LURAP1L: variants seen among roughly 807,000 people sequenced by gnomAD.
LURAP1L encodes leucine rich adaptor protein 1 like, also known as leucine rich adaptor protein 1-like.
In LURAP1L, 12 loss-of-function variants were observed where a neutral mutation model predicts 13.8. That is an observed-to-expected ratio of 0.87 (90% CI 0.56 to 1.41). The LOEUF (loss-of-function observed/expected upper bound fraction) is 1.41, where lower values mean the gene tolerates loss of function less well. Ranked by LOEUF, LURAP1L falls within the 40% of genes most tolerant of loss-of-function variation. LURAP1L has a pLI of 0.00. For synonymous variants in LURAP1L, 139 were observed against 119.2 expected (o/e 1.17, Z -1.08); for missense variants, 375 against 292.9 (o/e 1.28, Z -2.04).
At chr9:12,798,221 G>A (rs976718214) in intron 1 of LURAP1L, among the ~76,000 whole-genome samples, 5 of 152,104 alleles carry the variant, frequency 3.3e-5, no homozygotes, top group Admixed American at 2.0e-4. Flanking sequence ...AAAGCTGGGC[G>A]TCTGGACATG....
chr9:12,793,118 T>A (rs111703172), intron 1 of LURAP1L, among the ~76,000 whole-genome samples: 1 of 152,050 alleles, frequency 6.6e-6, no homozygotes, highest in Non-Finnish European at 1.5e-5. Context: ...GTCAAACTTA[T>A]AATGATTTAG....
At chr9:12,809,155 C>T (rs934422077) in intron 1 of LURAP1L, among the ~76,000 whole-genome samples, 1 of 152,188 alleles carries the variant, frequency 6.6e-6, no homozygotes, top group African/African-American at 2.4e-5. Flanking sequence ...TAAGCCATCC[C>T]TGATGCATCT....
chr9:12,788,909 A>ATT (rs1267953888), intron 1 of LURAP1L, among the ~76,000 whole-genome samples: 2 of 150,396 alleles, frequency 1.3e-5, no homozygotes, highest in African/African-American at 4.9e-5. Flanking sequence ...ATATATATAT[A>ATT]TATTTTTAAT....
chr9:12,820,917 G>C (rs59559321), intron 1 of LURAP1L, among the ~76,000 whole-genome samples: 5 of 152,044 alleles, frequency 3.3e-5, no homozygotes, highest in Non-Finnish European at 7.4e-5. Flanking sequence ...TTTTATGATG[G>C]TGCTTGGCAC....
At position 12,775,606 on chromosome 9, in the gene LURAP1L, TAG is replaced by T; in HGVS notation, c.-106_-105del. ...GACGGTACACCGGAGCGGCGGAGGA[TAG>T]AGACCCTGGCCCCCGGAGAGGTCTG... On this transcript the variant is annotated 5_prime_UTR_variant, in exon 1 of 2. Coordinates refer to ENST00000319264, the MANE Select transcript of LURAP1L (RefSeq NM_203403.2). 6.9e-7 allele frequency: 1 copy of T among 1,454,000 alleles called. No homozygotes were observed. The highest frequency in any genetic ancestry group is 9.1e-7 in the Non-Finnish European group (1 of 1,103,132). 90.1% of individuals were successfully genotyped at this position (1,454,000 alleles called of 1,614,324 possible). A position where few individuals can be genotyped will look rare whatever the true frequency, so the allele number is the denominator to read the frequency against.
intron 1 of LURAP1L, among the ~76,000 whole-genome samples, chr9:12,813,607 T>C (rs1347933015): frequency 6.6e-6 from 1 of 152,172 alleles, no homozygotes; most frequent in Non-Finnish European, 1.5e-5. Context: ...CAGATTGAAA[T>C]TGAAATTTGT....
At chr9:12,806,722 T>C (rs1819661841) in intron 1 of LURAP1L, among the ~76,000 whole-genome samples, 1 of 152,094 alleles carries the variant, frequency 6.6e-6, no homozygotes, top group African/African-American at 2.4e-5. Context: ...TTTACTTTTT[T>C]ATTTTTTCTA....
At chr9:12,786,400 C>A (rs1420091678) in intron 1 of LURAP1L, among the ~76,000 whole-genome samples, 2 of 151,124 alleles carry the variant, frequency 1.3e-5, no homozygotes, top group Non-Finnish European at 3.0e-5. Flanking sequence ...ACATTGCATT[C>A]TTCAATATGA....
chr9:12,803,277 C>G (rs754806871), intron 1 of LURAP1L, among the ~76,000 whole-genome samples: 1 of 152,084 alleles, frequency 6.6e-6, no homozygotes, highest in Non-Finnish European at 1.5e-5. Context: ...ATCAGAGAAC[C>G]AAGACATTTT....
intron 1 of LURAP1L, among the ~76,000 whole-genome samples, chr9:12,806,812 C>G (rs1303048593): frequency 6.6e-6 from 1 of 151,456 alleles, no homozygotes; most frequent in African/African-American, 2.4e-5. Context: ...ACAGTGTTGT[C>G]GCTATGCTCT....
chr9:12,801,298 G>T (rs1819582355), intron 1 of LURAP1L, among the ~76,000 whole-genome samples: 1 of 150,990 alleles, frequency 6.6e-6, no homozygotes. Flanking sequence ...AGGATATTAT[G>T]TTAAATGTGG....
intron 1 of LURAP1L, among the ~76,000 whole-genome samples, chr9:12,818,857 T>C (rs1819837446): frequency 6.6e-6 from 1 of 152,196 alleles, no homozygotes; most frequent in Admixed American, 6.5e-5. Flanking sequence ...TATTCTGCCA[T>C]GGCTTATAAG....
At chr9:12,797,906 T>C (rs999783397) in intron 1 of LURAP1L, among the ~76,000 whole-genome samples, 1 of 152,170 alleles carries the variant, frequency 6.6e-6, no homozygotes, top group Non-Finnish European at 1.5e-5. Context: ...TTGTTTTCTT[T>C]TTTATCTTCT....
Position 12,822,830 on chromosome 9 carries a change from A to G in LURAP1L, c.*1070A>G, listed in dbSNP as rs1370473954. On this transcript the variant is annotated 3_prime_UTR_variant, in exon 2 of 2. Transcript: ENST00000319264. ...TCCTCTGCATTTCTTTTATCTTGATAACTCCTAGTGAGGGAATCTAATTAA... is the reference window on the plus strand; with the variant it reads ...TCCTCTGCATTTCTTTTATCTTGATGACTCCTAGTGAGGGAATCTAATTAA... Among the ~76,000 whole-genome samples the G allele has an allele frequency of 6.6e-6, 1 of 152,174 alleles. No homozygotes were observed. Among genetic ancestry groups the G allele is most frequent in the Non-Finnish European group, 1.5e-5 (1 of 68,022 alleles).
chr9:12,810,086 C>T lies in LURAP1L; in HGVS notation c.313-11300C>T, dbSNP rs115218185. Among the ~76,000 whole-genome samples, 963 of 152,108 alleles carry T rather than the reference C, an allele frequency of 6.3e-3. 9 individuals carry two copies. The highest frequency in any genetic ancestry group is 0.021 in the African/African-American group (868 of 41,478). Reference sequence around the variant, plus strand: ...TGTTAGGTTCTGGTAAAATAGATTCCCTTAGGGACAAGCTTTTTTAAGGAG... The same window carrying T: ...TGTTAGGTTCTGGTAAAATAGATTCTCTTAGGGACAAGCTTTTTTAAGGAG... On this transcript the variant is annotated intron_variant, in intron 1 of 1. Coordinates refer to ENST00000319264, the MANE Select transcript of LURAP1L (RefSeq NM_203403.2).
chr9:12,779,267 T>C, intron 1 of LURAP1L, among the ~76,000 whole-genome samples: 1 of 73,662 alleles, frequency 1.4e-5, no homozygotes, highest in Non-Finnish European at 2.6e-5. Context: ...TCTTATAATC[T>C]TTTTTTTTTT....
intron 1 of LURAP1L, among the ~76,000 whole-genome samples, chr9:12,780,733 T>C (rs972488135): frequency 1.6e-3 from 104 of 63,544 alleles, no homozygotes; most frequent in African/African-American, 3.5e-3. Context: ...TTTAAAAATA[T>C]TGTTTCTTTT....
intron 1 of LURAP1L, among the ~76,000 whole-genome samples, chr9:12,799,257 A>G (rs1819551737): frequency 1.3e-5 from 2 of 152,292 alleles, no homozygotes; most frequent in South Asian, 2.1e-4. Flanking sequence ...TTCTTTTAGC[A>G]CTAGAAATCT....
intron 1 of LURAP1L, among the ~76,000 whole-genome samples, chr9:12,800,092 T>C (rs1292853325): frequency 1.3e-5 from 2 of 152,130 alleles, no homozygotes; most frequent in East Asian, 1.9e-4. Flanking sequence ...TACAATATTA[T>C]TAACTATAGT....
Sources: gnomAD v4.1 joint callset for allele counts (sites outside exome capture counted in the v4.1 genomes callset) on GRCh38, gnomAD v4.1.1 for gene constraint, MANE v1.5 for transcripts, NCBI Gene and HGNC (gene_info 2026-07-23, HGNC 2026-07-21) for gene names.